The following AKT2 variants were observed in gnomAD, a reference collection of about 807,000 sequenced individuals.
AKT2 encodes the protein AKT serine/threonine kinase 2, also known as RAC-beta serine/threonine-protein kinase.
Under a neutral mutation model 58.6 loss-of-function variants are expected in AKT2, and 16 were observed. The ratio of observed to expected loss-of-function variants is 0.27; its 90% CI spans 0.18 to 0.41. The LOEUF is 0.41. AKT2 is among the 10% of genes least tolerant of loss of function. AKT2 has a pLI of 1.00. For synonymous variants in AKT2, 253 were observed against 254.0 expected, an observed-to-expected ratio of 1.00 and a Z score of 0.04; for missense variants, 438 against 661.0, an observed-to-expected ratio of 0.66 and a Z score of 3.70.
intron 2 of AKT2, among the ~76,000 whole-genome samples, chr19:40,260,070 T>C (rs539607956): frequency 8.6e-5 from 13 of 151,974 alleles, no homozygotes; most frequent in Non-Finnish European, 1.3e-4. Flanking sequence ...GAGAATCATG[T>C]GAACCCAGGA....
chr19:40,230,602 T>A lies in AKT2; in HGVS notation c.*3270A>T. 4.4e-6 allele frequency: 1 copy of A among 228,770 alleles called. No individual in the cohort carries two copies. Among genetic ancestry groups the A allele is most frequent in the Non-Finnish European group, 8.7e-6 (1 of 115,208 alleles). 14.2% of individuals were successfully genotyped at this position (228,770 alleles called of 1,614,324 possible). On this transcript the variant is annotated 3_prime_UTR_variant, in exon 14 of 14. Coordinates refer to ENST00000392038, the MANE Select transcript of AKT2 (RefSeq NM_001626.6). ...GAAACTACCAATTTATGATGCCGTGTCCATTTGCAGAGAGGTAATCAGCAC... is the reference window on the plus strand; with the variant it reads ...GAAACTACCAATTTATGATGCCGTGACCATTTGCAGAGAGGTAATCAGCAC...
chr19:40,260,369 C>T (rs562127283), intron 2 of AKT2, among the ~76,000 whole-genome samples: 5 of 152,060 alleles, frequency 3.3e-5, no homozygotes, highest in East Asian at 3.9e-4. Context: ...TGGTGGCTCA[C>T]GCCTGTAATC....
chr19:40,243,285 C>G (rs1409792011), intron 4 of AKT2: 2 of 156,582 alleles, frequency 1.3e-5, no homozygotes, highest in Non-Finnish European at 2.8e-5. Context: ...AAATGAGCCA[C>G]CACCCTGAGC....
chr19:40,268,097 C>T (rs1976493170), intron 1 of AKT2, among the ~76,000 whole-genome samples: 1 of 151,258 alleles, frequency 6.6e-6, no homozygotes, highest in Non-Finnish European at 1.5e-5. Flanking sequence ...TGAGAGAAGC[C>T]CGTCCCCTAC....
At chr19:40,259,088 A>T (rs1423857656) in intron 2 of AKT2, among the ~76,000 whole-genome samples, 1 of 152,232 alleles carries the variant, frequency 6.6e-6, no homozygotes, top group African/African-American at 2.4e-5. Context: ...AGAGCCAAAA[A>T]ATAAACCCAA....
Position 40,239,098 on chromosome 19 carries a change from G to T in AKT2, c.640-125C>A, listed in dbSNP as rs373994873. The T allele has an allele frequency of 4.9e-5, 44 of 902,160 alleles. 1 individual carries two copies. Among genetic ancestry groups the T allele is most frequent in the East Asian group, 4.1e-4 (16 of 39,488 alleles). 55.9% of individuals were successfully genotyped at this position (902,160 alleles called of 1,614,324 possible). A position where few individuals can be genotyped will look rare whatever the true frequency, so the allele number is the denominator to read the frequency against. Reference sequence around the variant, plus strand: ...ACCCTGCCCTGGCTGGGGCCCCCAGGAGTCAGCCATATGGGGTTCACATAC... The same window carrying T: ...ACCCTGCCCTGGCTGGGGCCCCCAGTAGTCAGCCATATGGGGTTCACATAC... On this transcript the variant is annotated intron_variant, in intron 7 of 13. Transcript: ENST00000392038.
rs117988839 is a variant in AKT2 at position 40,263,767 on chromosome 19, G to A, written c.46+1455C>T. On this transcript the variant is annotated intron_variant, in intron 2 of 13. Transcript: ENST00000392038. Reference sequence around the variant, plus strand: ...TGCAGGCTGGTACAGTGCAGGATGCGTGGCTCTTCCCGATGCCTGCAGCGC... The same window carrying A: ...TGCAGGCTGGTACAGTGCAGGATGCATGGCTCTTCCCGATGCCTGCAGCGC... Among the ~76,000 whole-genome samples the A allele has an allele frequency of 5.3e-4, 80 of 152,300 alleles. 1 individual carries two copies. The East Asian group carries it at 0.013, about 25-fold the overall frequency.
At position 40,242,002 on chromosome 19, in the gene AKT2, C is replaced by A. The variant is rs1974438519; in HGVS notation, c.509G>T (p.Arg170Leu). The A allele has an allele frequency of 6.2e-7, 1 of 1,614,138 alleles. No individual in the cohort carries two copies. The highest frequency in any genetic ancestry group is 1.3e-5 in the African/African-American group (1 of 74,948). The change falls in exon 6 of 14, where the codon CGG (arginine) becomes CTG (leucine). Residue 170 changes from arginine (R) to leucine (L), a missense_variant. Coordinates refer to ENST00000392038, the MANE Select transcript of AKT2 (RefSeq NM_001626.6). The surrounding 1 kb of genome is among the most constrained non-coding windows in gnomAD (Gnocchi z 4.3). ...KGTFGKVILV[R>L]EKATGRYYAM... ...GTAGTAGCGGCCAGTGGCCTTCTCC[C>A]GCACCAGGATGACTTTGCCAAAGGT...
At chr19:40,260,191 C>T (rs1975837617) in intron 2 of AKT2, among the ~76,000 whole-genome samples, 1 of 151,940 alleles carries the variant, frequency 6.6e-6, no homozygotes, top group Non-Finnish European at 1.5e-5. Context: ...AATCCACACA[C>T]ACAATGAGGT....
intron 4 of AKT2, among the ~76,000 whole-genome samples, chr19:40,254,542 A>AAG (rs1975397648): frequency 1.3e-5 from 2 of 149,968 alleles, no homozygotes; most frequent in Non-Finnish European, 1.5e-5. Flanking sequence ...AAAAAAAAAA[A>AAG]GGGGGTCAGG....
intron 2 of AKT2, among the ~76,000 whole-genome samples, chr19:40,262,964 G>A (rs140098888): frequency 1.3e-5 from 2 of 152,276 alleles, no homozygotes; most frequent in Non-Finnish European, 1.5e-5. Context: ...ATGGGCACTG[G>A]GAAGGCCCAA....
intron 2 of AKT2, among the ~76,000 whole-genome samples, chr19:40,258,244 C>CG (rs1339511419): frequency 1.9e-4 from 15 of 78,278 alleles, no homozygotes; most frequent in African/African-American, 1.1e-3. Flanking sequence ...AACTCCGTCT[C>CG]GAAAAAAAAA....
Position 40,238,801 on chromosome 19 carries a change from G to T in AKT2, c.708+104C>A. On this transcript the variant is annotated intron_variant, in intron 8 of 13. Coordinates refer to ENST00000392038, the MANE Select transcript of AKT2 (RefSeq NM_001626.6). This position sits in a 1 kb window ranked among gnomAD's most constrained non-coding sequence, Gnocchi z 5.1. ...AGGGAGAGGGGCACTAGATGACACT[G>T]AAATTTCCCTCCACCCTTCCATCTC... The T allele has an allele frequency of 7.8e-7, 1 of 1,283,392 alleles. No homozygotes were observed. Among genetic ancestry groups the T allele is most frequent in the Non-Finnish European group, 1.1e-6 (1 of 882,216 alleles). The allele number at this position is 1,283,392 out of a possible 1,614,324, so 79.5% of individuals were successfully genotyped here. A position where few individuals can be genotyped will look rare whatever the true frequency, so the allele number is the denominator to read the frequency against.
intron 4 of AKT2, among the ~76,000 whole-genome samples, chr19:40,245,927 A>G (rs1974725046): frequency 1.3e-5 from 2 of 152,010 alleles, no homozygotes. Context: ...CGGGCAGAGC[A>G]CGCACTGAGC....
intron 4 of AKT2, among the ~76,000 whole-genome samples, chr19:40,249,829 TTGG>T (rs763308885): frequency 1.8e-4 from 28 of 152,186 alleles, no homozygotes; most frequent in African/African-American, 2.7e-4. Flanking sequence ...AATGTCCCAC[TTGG>T]TGGACAGGTG....
rs1198118602 is a variant in AKT2, at chr19:40,234,723, C to T, written c.1366+322G>A. On this transcript the variant is annotated intron_variant, in intron 13 of 13. Coordinates refer to ENST00000392038, the MANE Select transcript of AKT2 (RefSeq NM_001626.6). The surrounding 1 kb of genome is among the most constrained non-coding windows in gnomAD (Gnocchi z 4.7). Reference sequence around the variant, plus strand: ...GGCTCAATCAGTGCTGTGTCCCCAGCATAGCCCAGCCCTGGGCTGAGTTCA... The same window carrying T: ...GGCTCAATCAGTGCTGTGTCCCCAGTATAGCCCAGCCCTGGGCTGAGTTCA... 1.7e-6 allele frequency: 1 copy of T among 601,824 alleles called. No homozygotes were observed. Among genetic ancestry groups the T allele is most frequent in the Non-Finnish European group, 3.0e-6 (1 of 338,714 alleles). The allele number at this position is 601,824 out of a possible 1,614,324, so 37.3% of individuals were successfully genotyped here. A position where few individuals can be genotyped will look rare whatever the true frequency, so the allele number is the denominator to read the frequency against.
Position 40,237,994 on chromosome 19 carries a change from C to T in AKT2, c.806G>A (p.Arg269Gln), listed in dbSNP as rs761347839. 1.9e-6 allele frequency: 3 copies of T among 1,613,482 alleles called. No individual in the cohort carries two copies. Among genetic ancestry groups the T allele is most frequent in the East Asian group, 2.2e-5 (1 of 44,872 alleles). Residue 269 changes from arginine to glutamine, a missense_variant, in exon 9 of 14, where the codon CGG becomes CAG. Around this residue, in one of 3 missense-constraint regions of AKT2, gnomAD observed 46 missense variants for 114.5 expected, o/e 0.40. Transcript: ENST00000392038. This position sits in a 1 kb window ranked among gnomAD's most constrained non-coding sequence, Gnocchi z 4.5. Reference protein sequence around the residue: ...IVSALEYLHSRDVVYRDIKLE... With the variant: ...IVSALEYLHSQDVVYRDIKLE... Reference sequence around the variant, plus strand: ...CTTGATGTCGCGGTATACCACGTCCCGCGAGTGCAAGTACTCAAGAGCCGA... The same window carrying T: ...CTTGATGTCGCGGTATACCACGTCCTGCGAGTGCAAGTACTCAAGAGCCGA...
intron 4 of AKT2, among the ~76,000 whole-genome samples, chr19:40,250,113 A>G (rs1975042078): frequency 6.6e-6 from 1 of 152,244 alleles, no homozygotes; most frequent in African/African-American, 2.4e-5. Flanking sequence ...TCGCTGGATC[A>G]TACAGGACTC....
intron 1 of AKT2, among the ~76,000 whole-genome samples, chr19:40,284,073 T>G (rs906385040): frequency 1.3e-5 from 2 of 152,082 alleles, no homozygotes; most frequent in Admixed American, 1.3e-4. Context: ...TAGGAGTGGA[T>G]GAAGTTGAAA....
Sources: allele counts gnomAD v4.1 joint callset (sites outside exome capture counted in the v4.1 genomes callset), GRCh38; gene constraint gnomAD v4.1.1; regional missense constraint gnomAD v4.1.1; non-coding constraint Gnocchi (gnomAD v3.1); transcripts MANE v1.5; gene names NCBI Gene and HGNC (gene_info 2026-07-23, HGNC 2026-07-21).